MGLL: variants seen among roughly 807,000 people sequenced by gnomAD.
The protein encoded by MGLL is lysophospholipase homolog.
In MGLL, 7 loss-of-function variants were observed where a neutral mutation model predicts 29.1. The ratio of observed to expected loss-of-function variants is 0.24; its 90% CI spans 0.14 to 0.45. The LOEUF (loss-of-function observed/expected upper bound fraction) is 0.45. Among genes scored for constraint, MGLL ranks in the 20% least tolerant of loss-of-function variants. MGLL has a pLI of 0.99. For synonymous variants in MGLL, 148 were observed against 168.3 expected, an observed-to-expected ratio of 0.88 and a Z score of 0.93; for missense variants, 356 against 413.6, an observed-to-expected ratio of 0.86 and a Z score of 1.21.
chr3:127,787,545 A>G (rs2077233958), intron 2 of MGLL, among the ~76,000 whole-genome samples: 1 of 152,228 alleles, frequency 6.6e-6, no homozygotes, highest in Non-Finnish European at 1.5e-5. Flanking sequence ...TAGGAAAATG[A>G]ATATTTTGTT....
chr3:127,766,129 T>C (rs1245259385), intron 3 of MGLL, among the ~76,000 whole-genome samples: 1 of 152,194 alleles, frequency 6.6e-6, no homozygotes, highest in East Asian at 1.9e-4. Flanking sequence ...TTCCCCATGA[T>C]CACTCCCAAA....
Position 127,711,226 on chromosome 3 carries a change from C to T in MGLL, c.511-561G>A, listed in dbSNP as rs77977531. The T allele has an allele frequency of 9.6e-3, 1,734 of 180,762 alleles. 43 individuals are homozygous for T. The highest frequency in any genetic ancestry group is 0.038 in the African/African-American group (1,651 of 43,212). 11.2% of individuals were successfully genotyped at this position (180,762 alleles called of 1,614,324 possible). ...GGTTTGATTCCTAGCTCTGCTGCCT[C>T]GTGAACATGGGCTGGGATTTCCACA... On this transcript the variant is annotated intron_variant, in intron 5 of 7. Coordinates refer to ENST00000265052, the MANE Select transcript of MGLL (RefSeq NM_007283.7).
rs546794210 is a variant in MGLL at position 127,694,904 on chromosome 3, T to C, written c.816+71A>G. 1.1e-5 allele frequency: 17 copies of C among 1,502,610 alleles called. No individual in the cohort carries two copies. In the East Asian group the frequency reaches 3.4e-4, roughly 30 times the overall value. The allele number at this position is 1,502,610 out of a possible 1,614,324, so 93.1% of individuals were successfully genotyped here. A position where few individuals can be genotyped will look rare whatever the true frequency, so the allele number is the denominator to read the frequency against. On this transcript the variant is annotated intron_variant, in intron 7 of 7. Transcript: ENST00000265052. Reference sequence around the variant, plus strand: ...TGGCCCTCGAGGGTCTGGGCAGATGTGCCCCAAGGGGTGCTGCCTTCCTGT... The same window carrying C: ...TGGCCCTCGAGGGTCTGGGCAGATGCGCCCCAAGGGGTGCTGCCTTCCTGT...
intron 3 of MGLL, among the ~76,000 whole-genome samples, chr3:127,724,378 G>A (rs888396447): frequency 1.3e-5 from 2 of 152,178 alleles, no homozygotes; most frequent in African/African-American, 2.4e-5. Flanking sequence ...CCATGTAGTC[G>A]TGTGTGTCAG....
At chr3:127,722,251 A>G (rs1212818994) in intron 4 of MGLL, among the ~76,000 whole-genome samples, 179 bp downstream of exon 4, 1 of 152,238 alleles carries the variant, frequency 6.6e-6, no homozygotes, top group Non-Finnish European at 1.5e-5. Context: ...ACCGGCTGGC[A>G]GCCTCCCTTG....
intron 3 of MGLL, among the ~76,000 whole-genome samples, chr3:127,776,543 G>C (rs930685976): frequency 6.6e-6 from 1 of 152,176 alleles, no homozygotes; most frequent in African/African-American, 2.4e-5. Context: ...GGCCCTCCAG[G>C]CATTGAGGAT....
chr3:127,730,772 G>A (rs2076135528), intron 3 of MGLL, among the ~76,000 whole-genome samples: 1 of 152,202 alleles, frequency 6.6e-6, no homozygotes, highest in South Asian at 2.1e-4. Flanking sequence ...CCTGAGAGCA[G>A]GGGTGCCACA....
intron 3 of MGLL, among the ~76,000 whole-genome samples, chr3:127,738,244 G>T (rs536483539): frequency 3.3e-5 from 5 of 151,894 alleles, no homozygotes; most frequent in African/African-American, 7.2e-5. Context: ...GAGGCTGCAG[G>T]GAGCCGTGAT....
chr3:127,743,701 G>A (rs973188386), intron 3 of MGLL, among the ~76,000 whole-genome samples: 22 of 150,538 alleles, frequency 1.5e-4, no homozygotes, highest in South Asian at 6.4e-4. Flanking sequence ...ACCCCTACAC[G>A]CTGCCCTTCC....
chr3:127,739,708 G>A (rs1330504895), intron 3 of MGLL, among the ~76,000 whole-genome samples: 1 of 152,210 alleles, frequency 6.6e-6, no homozygotes, highest in Non-Finnish European at 1.5e-5. Context: ...TTGGGATGGA[G>A]CAGCAGGCCT....
At chr3:127,727,074 A>G (rs1419162650) in intron 3 of MGLL, among the ~76,000 whole-genome samples, 11 of 152,134 alleles carry the variant, frequency 7.2e-5, no homozygotes, top group Admixed American at 7.2e-4. Context: ...AATGCCTTAC[A>G]TCCTGTATCT....
intron 3 of MGLL, among the ~76,000 whole-genome samples, chr3:127,756,722 G>C (rs1353470080): frequency 2.0e-5 from 3 of 152,180 alleles, no homozygotes; most frequent in Non-Finnish European, 4.4e-5. Context: ...CCTTTTTCTT[G>C]TGTAATTGAC....
intron 3 of MGLL, among the ~76,000 whole-genome samples, chr3:127,752,391 G>A (rs569434040): frequency 2.6e-5 from 4 of 152,292 alleles, no homozygotes; most frequent in East Asian, 3.9e-4. Flanking sequence ...AAGCCATCAC[G>A]CCCGGCCGTC....
At chr3:127,781,759 C>T in intron 3 of MGLL, 30 bp downstream of exon 3, 1 of 1,596,522 alleles carries the variant, frequency 6.3e-7, no homozygotes, top group Non-Finnish European at 8.6e-7. Context: ...CAGGGCCCAG[C>T]CAGCTCTGAC....
chr3:127,700,693 C>T lies in MGLL; in HGVS notation c.601-5503G>A, dbSNP rs55670516. On this transcript the variant is annotated intron_variant, in intron 6 of 7. Coordinates refer to ENST00000265052, the MANE Select transcript of MGLL (RefSeq NM_007283.7). ...TACTGAGAGGCCAGCACAGACCTCA[C>T]GGCAGCTGGCAACCGCTGGCCACCT... Among the ~76,000 whole-genome samples, 403 of 152,328 alleles carry T rather than the reference C, an allele frequency of 2.6e-3. 3 individuals are homozygous for T. The highest frequency in any genetic ancestry group is 8.9e-3 in the African/African-American group (368 of 41,568).
chr3:127,718,165 G>C (rs906151256), intron 5 of MGLL, among the ~76,000 whole-genome samples: 3 of 151,888 alleles, frequency 2.0e-5, no homozygotes, highest in African/African-American at 7.3e-5. Flanking sequence ...AGGGGGTGGG[G>C]GCTGGCCGTC....
chr3:127,785,200 C>T (rs2077192428), intron 2 of MGLL, among the ~76,000 whole-genome samples: 1 of 152,168 alleles, frequency 6.6e-6, no homozygotes, highest in Non-Finnish European at 1.5e-5. Flanking sequence ...CCCCCTCCTT[C>T]CCCACACACC....
chr3:127,785,131 G>A (rs189241089), intron 2 of MGLL, among the ~76,000 whole-genome samples: 3 of 152,160 alleles, frequency 2.0e-5, no homozygotes, highest in African/African-American at 7.2e-5. Context: ...CTGGCACCAG[G>A]GTTTCCAGGT....
chr3:127,773,790 A>T (rs988302131), intron 3 of MGLL, among the ~76,000 whole-genome samples: 1 of 151,810 alleles, frequency 6.6e-6, no homozygotes, highest in African/African-American at 2.4e-5. Flanking sequence ...CCTGTCTCTC[A>T]CCTCTCTGCC....
Sources: allele counts gnomAD v4.1 joint callset (sites outside exome capture counted in the v4.1 genomes callset), GRCh38; gene constraint gnomAD v4.1.1; transcripts MANE v1.5; gene names NCBI Gene and HGNC (gene_info 2026-07-23, HGNC 2026-07-21).